SERTAD4: variants seen among roughly 807,000 people sequenced by gnomAD.
The protein encoded by SERTAD4 is SERTA domain-containing protein 4.
A neutral mutation model predicts 32.9 loss-of-function variants in SERTAD4; 18 were observed. The ratio of observed to expected loss-of-function variants is 0.55; its 90% CI spans 0.38 to 0.81. The LOEUF is 0.81. SERTAD4 is among the 30% of genes least tolerant of loss of function. The probability of loss-of-function intolerance (pLI) is 0.00; values close to 1 mark genes in which losing one functional copy is unlikely to be tolerated. For missense variants in SERTAD4, 383 were observed against 426.0 expected (o/e 0.90, Z 0.89); for synonymous variants, 150 against 156.4 (o/e 0.96, Z 0.30).
chr1:210,241,625 A>G lies in SERTAD4; in HGVS notation c.359A>G (p.Asp120Gly). ...YMSLEKLKFI[D>G]DPEVYLRRSV... ...TCCTTAGAAAAGCTAAAGTTTATCG[A>G]TGATCCTGAAGTGTACCTCCGAAGA... Residue 120 changes from aspartate (D) to glycine (G), a missense_variant, in exon 4 of 4, where the codon GAT becomes GGT. Asp to Gly is a moderately conservative substitution (Grantham distance 94, BLOSUM62 -1). This residue lies in a region of SERTAD4 where 107 missense variants were observed against 158.8 expected (regional missense o/e 0.67). Coordinates refer to ENST00000367012, the MANE Select transcript of SERTAD4 (RefSeq NM_019605.5). 1 of 1,611,658 alleles carries G rather than the reference A, an allele frequency of 6.2e-7. No individual in the cohort carries two copies. Among genetic ancestry groups the G allele is most frequent in the Non-Finnish European group, 8.5e-7 (1 of 1,179,626 alleles).
rs2147851376 is a variant in SERTAD4, at chr1:210,243,865, T to G, written c.*1528T>G. ...TTATTATTGCTATTAATATTAAATA[T>G]AGGTCTCATTCATACAGTGTATGAG... On this transcript the variant is annotated 3_prime_UTR_variant, in exon 4 of 4. Transcript: ENST00000367012. 2 of 152,332 alleles carry G rather than the reference T, an allele frequency of 1.3e-5. No homozygotes were observed. Among genetic ancestry groups the G allele is most frequent in the Middle Eastern group, 3.4e-3 (1 of 294 alleles). 9.4% of individuals were successfully genotyped at this position (152,332 alleles called of 1,614,324 possible). A position where few individuals can be genotyped will look rare whatever the true frequency, so the allele number is the denominator to read the frequency against.
intron 1 of SERTAD4, among the ~76,000 whole-genome samples, chr1:210,235,187 C>T (rs1015343988): frequency 6.6e-6 from 1 of 152,136 alleles, no homozygotes; most frequent in African/African-American, 2.4e-5. Context: ...TAATAGAACA[C>T]GAATTTGTGG....
At chr1:210,235,997 A>G (rs2083937243) in intron 1 of SERTAD4, among the ~76,000 whole-genome samples, 8 of 152,242 alleles carry the variant, frequency 5.3e-5, no homozygotes, top group Admixed American at 5.2e-4. Context: ...TGCTCTTGGC[A>G]ATAGTATTTC....
rs540286811 is a variant in SERTAD4, at chr1:210,245,486, A to G, written c.*3149A>G. Reference sequence around the variant, plus strand: ...TCAAAATCCTATTATTCTACATTTCACTTTGCAGGGGTCCTAGGGACAGGA... The same window carrying G: ...TCAAAATCCTATTATTCTACATTTCGCTTTGCAGGGGTCCTAGGGACAGGA... On this transcript the variant is annotated 3_prime_UTR_variant, in exon 4 of 4. Coordinates refer to ENST00000367012, the MANE Select transcript of SERTAD4 (RefSeq NM_019605.5). 6.6e-6 allele frequency: 1 copy of G among 152,314 alleles called. No individual in the cohort carries two copies. Among genetic ancestry groups the G allele is most frequent in the South Asian group, 2.1e-4 (1 of 4,826 alleles). 9.4% of individuals were successfully genotyped at this position (152,314 alleles called of 1,614,324 possible). A position where few individuals can be genotyped will look rare whatever the true frequency, so the allele number is the denominator to read the frequency against.
intron 1 of SERTAD4, 83 bp from the exon 2 acceptor site, chr1:210,237,861 A>G: frequency 9.5e-7 from 1 of 1,053,398 alleles, no homozygotes; most frequent in Non-Finnish European, 1.4e-6. Context: ...AAGCAAAGAA[A>G]TGAAGATGCC....
At position 210,238,005 on chromosome 1, in the gene SERTAD4, C is replaced by T; in HGVS notation, c.45C>T (p.Val15=). 6.2e-7 allele frequency: 1 copy of T among 1,613,294 alleles called. No homozygotes were observed. The highest frequency in any genetic ancestry group is 8.5e-7 in the Non-Finnish European group (1 of 1,179,858). Residue 15 remains valine (V), a synonymous_variant, in exon 2 of 4, where the codon GTC becomes GTT. Coordinates refer to ENST00000367012, the MANE Select transcript of SERTAD4 (RefSeq NM_019605.5). Reference sequence around the variant, plus strand: ...TGAATAGATTCTGCGAGCCCATTGTCTCGGAAGGAGCTGCTGAAATTGCTG... The same window carrying T: ...TGAATAGATTCTGCGAGCCCATTGTTTCGGAAGGAGCTGCTGAAATTGCTG... ...LSMNRFCEPI[V]SEGAAEIAGY...
chr1:210,232,976 A>T lies in SERTAD4; in HGVS notation c.-53A>T, dbSNP rs2083891820. On this transcript the variant is annotated 5_prime_UTR_variant, in exon 1 of 4. Coordinates refer to ENST00000367012, the MANE Select transcript of SERTAD4 (RefSeq NM_019605.5). ...GCCCAGAGCGGACCAGCAGCAGCTC[A>T]AGCGCTGCGGCCGCCGCCTCCCCGC... 1 of 150,266 alleles carries T rather than the reference A, an allele frequency of 6.7e-6. No homozygotes were observed. The highest frequency in any genetic ancestry group is 2.1e-4 in the South Asian group (1 of 4,830). 9.3% of individuals were successfully genotyped at this position (150,266 alleles called of 1,614,324 possible).
rs1385046753 is a variant in SERTAD4 at position 210,233,876 on chromosome 1, G to A, written c.-18+865G>A. ...AAGGCCGGGCCGACATCTGCTGCGG[G>A]CTGGAGCGCGGGGGCCCGGGCCAGC... is the stretch of plus-strand genomic sequence containing the variant. On this transcript the variant is annotated intron_variant, in intron 1 of 3. Transcript: ENST00000367012. The A allele has an allele frequency of 1.5e-5, 7 of 463,078 alleles. No homozygotes were observed. In the Admixed American group the frequency reaches 1.7e-4, roughly 11 times the overall value. 28.7% of individuals were successfully genotyped at this position (463,078 alleles called of 1,614,324 possible). A position where few individuals can be genotyped will look rare whatever the true frequency, so the allele number is the denominator to read the frequency against.
intron 3 of SERTAD4, 24 bp from the exon 4 acceptor site, chr1:210,241,534 C>CTTTTTTTTTTTTT: frequency 2.7e-6 from 3 of 1,110,532 alleles, no homozygotes; most frequent in South Asian, 2.2e-5. Flanking sequence ...TTGTTTTTTT[C>CTTTTTTTTTTTTT]TTTTTTTTTT....
rs1380097679 is a variant in SERTAD4 at position 210,232,916 on chromosome 1, C to A, written c.-113C>A. 1 of 149,140 alleles carries A rather than the reference C, an allele frequency of 6.7e-6. No individual in the cohort carries two copies. Among genetic ancestry groups the A allele is most frequent in the East Asian group, 1.9e-4 (1 of 5,134 alleles). The allele number at this position is 149,140 out of a possible 1,614,324, so 9.2% of individuals were successfully genotyped here. ...GCCGAGCGGGCGGCCGGGCCGGGAC[C>A]CGCGAGTGTGCACCGGCGGCCGGGC... On this transcript the variant is annotated 5_prime_UTR_variant, in exon 1 of 4. Transcript: ENST00000367012.
intron 2 of SERTAD4, among the ~76,000 whole-genome samples, chr1:210,239,147 TTTAA>T (rs1019022260): frequency 6.6e-6 from 1 of 152,204 alleles, no homozygotes; most frequent in Non-Finnish European, 1.5e-5. Context: ...TTGTCATGAA[TTTAA>T]TTAAACAATT....
chr1:210,239,802 G>A (rs1305194561), intron 3 of SERTAD4, among the ~76,000 whole-genome samples, 194 bp downstream of exon 3: 1 of 152,098 alleles, frequency 6.6e-6, no homozygotes, highest in Non-Finnish European at 1.5e-5. Context: ...GAAAAAGCTG[G>A]CAAGAGCTAT....
chr1:210,241,346 G>A (rs1311888183), intron 3 of SERTAD4, among the ~76,000 whole-genome samples: 3 of 152,022 alleles, frequency 2.0e-5, no homozygotes, highest in Non-Finnish European at 2.9e-5. Flanking sequence ...GAAGTGGGTG[G>A]GTGCTCCAGC....
At chr1:210,237,371 C>G (rs1408327414) in intron 1 of SERTAD4, 1 of 153,426 alleles carries the variant, frequency 6.5e-6, no homozygotes, top group Non-Finnish European at 1.4e-5. Context: ...GGAGGGAGCC[C>G]CAGCATGTTG....
Position 210,246,063 on chromosome 1 carries a change from A to G in SERTAD4, c.*3726A>G, listed in dbSNP as rs917482483. 9.3e-5 allele frequency: 28 copies of G among 302,260 alleles called. No homozygotes were observed. The Admixed American group carries it at 1.8e-3, about 20-fold the overall frequency. 18.7% of individuals were successfully genotyped at this position (302,260 alleles called of 1,614,324 possible). ...ATTTTACTAGATTTTTTCAGAGACA[A>G]GCATTCAGCATGGCATTAGTAATGA... On this transcript the variant is annotated 3_prime_UTR_variant, in exon 4 of 4. Transcript: ENST00000367012.
chr1:210,237,893 C>G, intron 1 of SERTAD4, 51 bp from the exon 2 acceptor site: 1 of 1,494,604 alleles, frequency 6.7e-7, no homozygotes, highest in Non-Finnish European at 9.1e-7. Context: ...TTGGCTTGCT[C>G]TTGATTAGGG....
intron 1 of SERTAD4, among the ~76,000 whole-genome samples, chr1:210,236,582 TATAG>T (rs1333849306): frequency 6.6e-6 from 1 of 152,230 alleles, no homozygotes; most frequent in African/African-American, 2.4e-5. Context: ...GGACCCTTGT[TATAG>T]CATGTAGGTA....
At position 210,245,653 on chromosome 1, in the gene SERTAD4, A is replaced by G. The variant is rs1008591131; in HGVS notation, c.*3316A>G. ...ACAACAGAAATTTAGAACATTTTACATGCTTCTTTGTTAAATGGTGAAGCA... is the reference window on the plus strand; with the variant it reads ...ACAACAGAAATTTAGAACATTTTACGTGCTTCTTTGTTAAATGGTGAAGCA... On this transcript the variant is annotated 3_prime_UTR_variant, in exon 4 of 4. Transcript: ENST00000367012. 10 of 243,738 alleles carry G rather than the reference A, an allele frequency of 4.1e-5. No individual in the cohort carries two copies. Among genetic ancestry groups the G allele is most frequent in the Non-Finnish European group, 6.6e-5 (10 of 151,872 alleles). The allele number at this position is 243,738 out of a possible 1,614,324, so 15.1% of individuals were successfully genotyped here.
chr1:210,241,012 A>G (rs1279030286), intron 3 of SERTAD4, among the ~76,000 whole-genome samples: 1 of 152,118 alleles, frequency 6.6e-6, no homozygotes, highest in Non-Finnish European at 1.5e-5. Flanking sequence ...GTGTGTGTGT[A>G]TTTGTATAGA....
Sources: allele counts gnomAD v4.1 joint callset (sites outside exome capture counted in the v4.1 genomes callset), GRCh38; gene constraint gnomAD v4.1.1; regional missense constraint gnomAD v4.1.1; transcripts MANE v1.5; gene names NCBI Gene and HGNC (gene_info 2026-07-23, HGNC 2026-07-21).